FBXL17: variants seen among roughly 807,000 people sequenced by gnomAD.
FBXL17 encodes the protein F-box and leucine rich repeat protein 17.
A neutral mutation model predicts 66.2 loss-of-function variants in FBXL17; 22 were observed. The ratio of observed to expected loss-of-function variants is 0.33; its 90% CI spans 0.24 to 0.47. The LOEUF (loss-of-function observed/expected upper bound fraction) is 0.47, where lower values mean the gene tolerates loss of function less well. Ranked by LOEUF, FBXL17 falls within the 20% of genes least tolerant of loss-of-function variation. The pLI, the probability that FBXL17 is intolerant of heterozygous loss-of-function variation, is 1.00. For missense variants in FBXL17, 878 were observed against 948.2 expected, an observed-to-expected ratio of 0.93 and a Z score of 0.97; for synonymous variants, 474 against 400.5, an observed-to-expected ratio of 1.18 and a Z score of -2.19.
Position 108,380,849 on chromosome 5 carries a change from G to C in FBXL17, c.843C>G (p.Ala281=). The change falls in exon 1 of 9, where the codon GCC becomes GCG. Residue 281 remains alanine, a synonymous_variant. Transcript: ENST00000542267. The part of the protein sequence containing the change: ...PTEAGGDAVR[A]GGTAPLSAQQ... ...GGGCGGACAAGGGGGCGGTGCCCCC[G>C]GCTCGGACAGCGTCCCCGCCAGCTT... is the stretch of plus-strand genomic sequence containing the variant. 8.0e-7 allele frequency: 1 copy of C among 1,246,558 alleles called. No homozygotes were observed. The highest frequency in any genetic ancestry group is 1.5e-5 in the African/African-American group (1 of 64,580). 77.2% of individuals were successfully genotyped at this position (1,246,558 alleles called of 1,614,324 possible). A position where few individuals can be genotyped will look rare whatever the true frequency, so the allele number is the denominator to read the frequency against.
chr5:107,989,751 C>T (rs1753164783), intron 7 of FBXL17, among the ~76,000 whole-genome samples: 1 of 151,940 alleles, frequency 6.6e-6, no homozygotes, highest in South Asian at 2.1e-4. Context: ...ATTTACATTC[C>T]CCAAGAAGGT....
intron 6 of FBXL17, among the ~76,000 whole-genome samples, chr5:108,081,295 C>T (rs1220071132): frequency 6.6e-6 from 1 of 152,130 alleles, no homozygotes; most frequent in Non-Finnish European, 1.5e-5. Context: ...TTTGGAATCT[C>T]CTTGGCGGAA....
At chr5:108,339,049 G>A (rs1746703894) in intron 4 of FBXL17, among the ~76,000 whole-genome samples, 2 of 151,818 alleles carry the variant, frequency 1.3e-5, no homozygotes, top group Admixed American at 6.6e-5. Flanking sequence ...ATAAAATGAT[G>A]GAAAAAGTGC....
At chr5:108,232,805 A>ATATAAT (rs70996987) in intron 4 of FBXL17, among the ~76,000 whole-genome samples, 1 of 105,170 alleles carries the variant, frequency 9.5e-6, no homozygotes, top group African/African-American at 3.5e-5. Context: ...ATATATATAT[A>ATATAAT]ATATATACTA....
chr5:108,351,816 T>C (rs2112494846), intron 3 of FBXL17, among the ~76,000 whole-genome samples: 1 of 152,338 alleles, frequency 6.6e-6, no homozygotes, highest in South Asian at 2.1e-4. Flanking sequence ...GAAGAGAATC[T>C]ACATATCAAC....
At chr5:108,351,028 G>C (rs1747615161) in intron 3 of FBXL17, among the ~76,000 whole-genome samples, 1 of 152,096 alleles carries the variant, frequency 6.6e-6, no homozygotes, top group Non-Finnish European at 1.5e-5. Flanking sequence ...ATCTGCTGTA[G>C]GGCAGTAAAT....
intron 6 of FBXL17, among the ~76,000 whole-genome samples, chr5:108,166,296 G>A (rs879780865): frequency 6.6e-6 from 1 of 152,192 alleles, no homozygotes; most frequent in Non-Finnish European, 1.5e-5. Context: ...CAAGACCCAA[G>A]CAAAGAAAAA....
chr5:107,974,502 A>T (rs11744308), intron 7 of FBXL17, among the ~76,000 whole-genome samples: 44,123 of 152,002 alleles, frequency 0.29, 6,517 homozygotes, highest in East Asian at 0.4. Context: ...GATCCAGAGC[A>T]ATTTCCATCA....
chr5:107,875,046 G>T (rs11957720), intron 8 of FBXL17, among the ~76,000 whole-genome samples: 1 of 151,818 alleles, frequency 6.6e-6, no homozygotes, highest in Non-Finnish European at 1.5e-5. Context: ...GGACTGCACA[G>T]TCTGACACTC....
intron 6 of FBXL17, among the ~76,000 whole-genome samples, chr5:108,026,986 C>A (rs917693997): frequency 6.6e-6 from 1 of 152,100 alleles, no homozygotes; most frequent in Non-Finnish European, 1.5e-5. Context: ...TTTGCTGATT[C>A]TTTCTGGACC....
chr5:107,938,373 A>C (rs1435872369), intron 7 of FBXL17, among the ~76,000 whole-genome samples: 1 of 152,004 alleles, frequency 6.6e-6, no homozygotes, highest in African/African-American at 2.4e-5. Flanking sequence ...CTGAGAAAAA[A>C]CTATGTGGGA....
At chr5:108,012,810 G>A (rs1025003945) in intron 7 of FBXL17, among the ~76,000 whole-genome samples, 27 of 152,166 alleles carry the variant, frequency 1.8e-4, no homozygotes, top group Non-Finnish European at 3.2e-4. Context: ...GATGTTGAGA[G>A]TTCAAGACCA....
intron 6 of FBXL17, among the ~76,000 whole-genome samples, chr5:108,059,796 T>C (rs1197391507): frequency 6.6e-6 from 1 of 152,154 alleles, no homozygotes; most frequent in African/African-American, 2.4e-5. Context: ...AACTACTGTA[T>C]TAACAGGCAT....
At chr5:108,162,140 AG>A (rs1752240075) in intron 6 of FBXL17, among the ~76,000 whole-genome samples, 1 of 152,224 alleles carries the variant, frequency 6.6e-6, no homozygotes, top group Middle Eastern at 3.2e-3. Context: ...AACTATGTGA[AG>A]GTAGGAAATC....
At chr5:108,104,842 T>C (rs563465771) in intron 6 of FBXL17, among the ~76,000 whole-genome samples, 1 of 152,220 alleles carries the variant, frequency 6.6e-6, no homozygotes, top group Admixed American at 6.5e-5. Flanking sequence ...TTTTGTTTTG[T>C]TTTGTTTTGT....
At chr5:108,019,479 C>A (rs1754504246) in intron 7 of FBXL17, among the ~76,000 whole-genome samples, 1 of 151,996 alleles carries the variant, frequency 6.6e-6, no homozygotes, top group Non-Finnish European at 1.5e-5. Flanking sequence ...AAGGGATTTA[C>A]TATCCATAAC....
At chr5:108,250,316 A>G (rs1364482134) in intron 4 of FBXL17, among the ~76,000 whole-genome samples, 1 of 152,164 alleles carries the variant, frequency 6.6e-6, no homozygotes, top group Non-Finnish European at 1.5e-5. Flanking sequence ...CATTCAGAAG[A>G]CCAATTCTCC....
intron 6 of FBXL17, among the ~76,000 whole-genome samples, chr5:108,178,683 A>G (rs1752887965): frequency 6.6e-6 from 1 of 152,226 alleles, no homozygotes; most frequent in Admixed American, 6.5e-5. Flanking sequence ...ATTAGGCACC[A>G]ATAAGTATGC....
At chr5:107,988,231 C>A (rs288192) in intron 7 of FBXL17, among the ~76,000 whole-genome samples, 3,527 of 152,054 alleles carry the variant, frequency 0.023, 69 homozygotes, top group Non-Finnish European at 0.036. Flanking sequence ...TAGTCTGAAA[C>A]CAAGTAATTC....
Sources: gnomAD v4.1 joint callset for allele counts (sites outside exome capture counted in the v4.1 genomes callset) on GRCh38, gnomAD v4.1.1 for gene constraint, MANE v1.5 for transcripts, NCBI Gene and HGNC (gene_info 2026-07-23, HGNC 2026-07-21) for gene names.